Variants in IGF2BP2 observed in about 807,000 individuals in gnomAD.
The protein encoded by IGF2BP2 is insulin-like growth factor 2 mRNA-binding protein 2.
IGF2BP2 carries 17 observed loss-of-function variants against 75.8 expected under a neutral mutation model. The ratio of observed to expected loss-of-function variants is 0.22; its 90% confidence interval spans 0.15 to 0.34. IGF2BP2 has a LOEUF of 0.34. IGF2BP2 is among the 10% of genes least tolerant of loss of function. The pLI, the probability that IGF2BP2 is intolerant of heterozygous loss-of-function variation, is 1.00. For missense variants in IGF2BP2, 516 were observed against 772.4 expected, an observed-to-expected ratio of 0.67 and a Z score of 3.93; for synonymous variants, 288 against 295.6, an observed-to-expected ratio of 0.97 and a Z score of 0.26.
chr3:185,644,600 G>GT lies in IGF2BP2; in HGVS notation c.*930_*931insA. On this transcript the variant is annotated 3_prime_UTR_variant, in exon 16 of 16. Coordinates refer to ENST00000382199, the MANE Select transcript of IGF2BP2 (RefSeq NM_006548.6). ...AGCACTGCTTTGCCTGGGGGGGGGG[G>GT]GGTGCGTAGATACGGGATTGAGATG... is the stretch of plus-strand genomic sequence containing the variant. The GT allele has an allele frequency of 7.0e-6, 1 of 142,786 alleles. No individual in the cohort carries two copies. The highest frequency in any genetic ancestry group is 2.4e-4 in the South Asian group (1 of 4,230). The allele number at this position is 142,786 out of a possible 1,614,324, so 8.8% of individuals were successfully genotyped here.
intron 2 of IGF2BP2, among the ~76,000 whole-genome samples, chr3:185,805,346 T>C (rs1280343105): frequency 6.6e-6 from 1 of 152,116 alleles, no homozygotes; most frequent in Non-Finnish European, 1.5e-5. Flanking sequence ...CCTATGAGGC[T>C]TTCTCAGGAG....
At chr3:185,663,860 GATGA>G (rs1331642791) in intron 10 of IGF2BP2, among the ~76,000 whole-genome samples, 1 of 152,178 alleles carries the variant, frequency 6.6e-6, no homozygotes, top group Non-Finnish European at 1.5e-5. Flanking sequence ...ACTTGGTCAT[GATGA>G]ATGGTCTTTC....
At chr3:185,698,218 C>A in intron 3 of IGF2BP2, 81 bp downstream of exon 3, 2 of 1,200,246 alleles carry the variant, frequency 1.7e-6, no homozygotes, top group Non-Finnish European at 2.5e-6. Flanking sequence ...AACACTGAGG[C>A]CCTCTAATTC....
At chr3:185,747,187 C>T (rs1730355495) in intron 2 of IGF2BP2, among the ~76,000 whole-genome samples, 1 of 152,176 alleles carries the variant, frequency 6.6e-6, no homozygotes, top group Admixed American at 6.5e-5. Context: ...TCTAACTTAA[C>T]AATTTATAAA....
chr3:185,683,420 T>C (rs905431327), intron 7 of IGF2BP2, among the ~76,000 whole-genome samples: 6 of 152,156 alleles, frequency 3.9e-5, no homozygotes, highest in African/African-American at 1.4e-4. Flanking sequence ...AATTTTTTTT[T>C]TTTTCTGAGA....
rs1717407178 is a variant in IGF2BP2, at chr3:185,665,563, G to GAGA, written c.1200+6975_1200+6977dup. ...GGAGGAGGAGAAGGAGGAGGAGAAGGAGAAGGAGAAGAAGGAGAAAAGGAA... is the reference window on the plus strand; with the variant it reads ...GGAGGAGGAGAAGGAGGAGGAGAAGGAGAAGAAGGAGAAGAAGGAGAAAAGGAA... On this transcript the variant is annotated intron_variant, in intron 10 of 15. Coordinates refer to ENST00000382199, the MANE Select transcript of IGF2BP2 (RefSeq NM_006548.6). Among the ~76,000 whole-genome samples the GAGA allele has an allele frequency of 2.1e-5, 3 of 144,952 alleles. No homozygotes were observed. In the South Asian group the frequency reaches 6.9e-4, roughly 33 times the overall value.
chr3:185,748,245 C>T (rs973682039), intron 2 of IGF2BP2, among the ~76,000 whole-genome samples: 1 of 152,174 alleles, frequency 6.6e-6, no homozygotes, highest in Admixed American at 6.5e-5. Context: ...ACTACCTTCA[C>T]AGGAGCAAAG....
At chr3:185,688,243 G>C (rs754137433) in intron 6 of IGF2BP2, among the ~76,000 whole-genome samples, 1 of 152,156 alleles carries the variant, frequency 6.6e-6, no homozygotes, top group South Asian at 2.1e-4. Context: ...CAGTAATTGG[G>C]TGCTTTGCAA....
At position 185,823,185 on chromosome 3, in the gene IGF2BP2, C is replaced by T. The variant is rs771289634; in HGVS notation, c.207G>A (p.Met69Ile). Residue 69 changes from methionine (M) to isoleucine (I), a missense_variant, in exon 2 of 16, where the codon ATG becomes ATA. By Grantham distance (10) the Met-to-Ile change is conservative. Around this residue, in one of 3 missense-constraint regions of IGF2BP2, gnomAD observed 312 missense variants for 474.5 expected, o/e 0.66. Coordinates refer to ENST00000382199, the MANE Select transcript of IGF2BP2 (RefSeq NM_006548.6). The stretch of plus-strand genomic sequence containing the variant: ...TTTTAGAGACTGAGTAATCAACTTC[C>T]ATGATTTTCCCATGCAATTCCACTT... ...SGKVELHGKIMEVDYSVSKKL... is the reference protein window; with the variant it reads ...SGKVELHGKIIEVDYSVSKKL... 6.2e-7 allele frequency: 1 copy of T among 1,609,874 alleles called. No individual in the cohort carries two copies. The highest frequency in any genetic ancestry group is 1.7e-5 in the Admixed American group (1 of 59,320).
chr3:185,796,435 C>T (rs6786649), intron 2 of IGF2BP2, among the ~76,000 whole-genome samples: 2 of 151,416 alleles, frequency 1.3e-5, no homozygotes, highest in East Asian at 1.9e-4. Context: ...TGGTGGCATA[C>T]GCCTGTAATC....
At chr3:185,677,060 T>G (rs1311519784) in intron 7 of IGF2BP2, among the ~76,000 whole-genome samples, 119 of 52,782 alleles carry the variant, frequency 2.3e-3, no homozygotes, top group African/African-American at 9.2e-3. Flanking sequence ...TATATATATA[T>G]ATATATATAG....
At chr3:185,737,091 G>A (rs556813898) in intron 2 of IGF2BP2, among the ~76,000 whole-genome samples, 3 of 152,136 alleles carry the variant, frequency 2.0e-5, no homozygotes, top group African/African-American at 7.2e-5. Context: ...ATACTGCTTT[G>A]ATTGATTCTA....
intron 2 of IGF2BP2, among the ~76,000 whole-genome samples, chr3:185,784,040 G>C (rs917649131): frequency 2.0e-5 from 3 of 152,164 alleles, no homozygotes; most frequent in Non-Finnish European, 4.4e-5. Context: ...TTCAAGACCA[G>C]CCTAGCCAAC....
intron 5 of IGF2BP2, among the ~76,000 whole-genome samples, chr3:185,691,867 T>C (rs1478787837): frequency 6.6e-6 from 1 of 152,172 alleles, no homozygotes; most frequent in Admixed American, 6.5e-5. Flanking sequence ...CCCAAGTAGC[T>C]GGAACTACAG....
intron 2 of IGF2BP2, among the ~76,000 whole-genome samples, chr3:185,701,385 A>G (rs1723285825): frequency 7.0e-6 from 1 of 142,648 alleles, no homozygotes; most frequent in Non-Finnish European, 1.6e-5. Flanking sequence ...AAAAAAAAAG[A>G]AAGAAAGAAA....
intron 2 of IGF2BP2, among the ~76,000 whole-genome samples, chr3:185,794,543 A>C: frequency 6.6e-6 from 1 of 151,992 alleles, no homozygotes; most frequent in Non-Finnish European, 1.5e-5. Flanking sequence ...AGACTTTACC[A>C]TCTCATTCAA....
intron 7 of IGF2BP2, among the ~76,000 whole-genome samples, chr3:185,684,388 G>A (rs1720818253): frequency 6.6e-6 from 1 of 151,466 alleles, no homozygotes; most frequent in African/African-American, 2.4e-5. Context: ...TTTTTCCACT[G>A]TAGAATTTCT....
intron 10 of IGF2BP2, among the ~76,000 whole-genome samples, chr3:185,665,361 G>GGAGGAGGAGGAGAAA (rs1717248983): frequency 7.1e-6 from 1 of 141,298 alleles, no homozygotes; most frequent in Non-Finnish European, 1.5e-5. Context: ...AGGAGGAGAA[G>GGAGGAGGAGGAGAAA]GAGGAGGAGG....
chr3:185,820,276 A>ACACACACACAC (rs1741205251), intron 2 of IGF2BP2, among the ~76,000 whole-genome samples: 1 of 149,364 alleles, frequency 6.7e-6, no homozygotes, highest in African/African-American at 2.5e-5. Context: ...ACACACACAT[A>ACACACACACAC]ATTTTTAAGT....
Sources: allele counts gnomAD v4.1 joint callset (sites outside exome capture counted in the v4.1 genomes callset), GRCh38; gene constraint gnomAD v4.1.1; regional missense constraint gnomAD v4.1.1; transcripts MANE v1.5; gene names NCBI Gene and HGNC (gene_info 2026-07-23, HGNC 2026-07-21).